RPS6KC1: variants seen among roughly 807,000 people sequenced by gnomAD.
RPS6KC1 encodes the protein inactive ribosomal protein S6 kinase delta-1.
RPS6KC1 carries 54 observed loss-of-function variants against 103.8 expected under a neutral mutation model. The observed-to-expected ratio is 0.52, with a 90% CI of 0.42 to 0.65. The LOEUF (loss-of-function observed/expected upper bound fraction) is 0.65. Ranked by LOEUF, RPS6KC1 falls within the 30% of genes least tolerant of loss-of-function variation. The pLI, the probability that RPS6KC1 is intolerant of heterozygous loss-of-function variation, is 0.00. For synonymous variants in RPS6KC1, 439 were observed against 438.7 expected (o/e 1.00, Z -0.01); for missense variants, 1,151 against 1,253.8 (o/e 0.92, Z 1.24).
the RPS6KC1 span, among the ~76,000 whole-genome samples, chr1:213,640,566 C>T: frequency 3.3e-5 from 5 of 151,584 alleles, no homozygotes; most frequent in African/African-American, 4.8e-5. Flanking sequence ...CCTCTAAACA[C>T]GGCTTTAGGT....
the RPS6KC1 span, among the ~76,000 whole-genome samples, chr1:213,587,162 C>T: frequency 2.1e-3 from 321 of 152,184 alleles, 2 homozygotes; most frequent in African/African-American, 7.5e-3. Context: ...TGACAGAGCC[C>T]GAAGCAGGCA....
chr1:213,177,540 G>A (rs995675958), intron 8 of RPS6KC1, among the ~76,000 whole-genome samples: 2 of 152,034 alleles, frequency 1.3e-5, no homozygotes, highest in Admixed American at 6.6e-5. Flanking sequence ...TAAAGCTGTC[G>A]GTGTCTTAAG....
At chr1:213,182,622 C>G (rs1247252744) in intron 8 of RPS6KC1, among the ~76,000 whole-genome samples, 1 of 151,354 alleles carries the variant, frequency 6.6e-6, no homozygotes, top group African/African-American at 2.4e-5. Context: ...AACTTAAGCC[C>G]TAACACATTA....
intron 12 of RPS6KC1, among the ~76,000 whole-genome samples, chr1:213,252,656 A>G (rs1558636748): frequency 6.6e-6 from 1 of 152,172 alleles, no homozygotes; most frequent in Admixed American, 6.5e-5. Context: ...TTTCCCCCAA[A>G]GAGAACTTTG....
At chr1:213,587,423 G>A in the RPS6KC1 span, among the ~76,000 whole-genome samples, 1 of 152,214 alleles carries the variant, frequency 6.6e-6, no homozygotes, top group Non-Finnish European at 1.5e-5. Context: ...AGTGGGGCAA[G>A]AGGCACAGAG....
chr1:213,695,053 C>T, the RPS6KC1 span, among the ~76,000 whole-genome samples: 5 of 152,236 alleles, frequency 3.3e-5, no homozygotes, highest in East Asian at 1.9e-4. Flanking sequence ...CTCTCCCTCA[C>T]GGAATGTACG....
At chr1:213,280,392 A>T in the RPS6KC1 span, among the ~76,000 whole-genome samples, 1 of 152,222 alleles carries the variant, frequency 6.6e-6, no homozygotes, top group African/African-American at 2.4e-5. Flanking sequence ...GATGACTTGT[A>T]TAGTGTTGGG....
the RPS6KC1 span, among the ~76,000 whole-genome samples, chr1:213,689,962 C>T: frequency 8.5e-5 from 13 of 152,190 alleles, no homozygotes; most frequent in South Asian, 2.3e-3. Context: ...CCAAAGAGTC[C>T]CCCTTTCTCT....
the RPS6KC1 span, among the ~76,000 whole-genome samples, chr1:213,780,052 G>C: frequency 6.6e-6 from 1 of 152,048 alleles, no homozygotes; most frequent in Non-Finnish European, 1.5e-5. Flanking sequence ...GTCAAAAGAA[G>C]TAAAACATTT....
chr1:213,572,265 C>A, the RPS6KC1 span, among the ~76,000 whole-genome samples: 1 of 152,202 alleles, frequency 6.6e-6, no homozygotes, highest in Non-Finnish European at 1.5e-5. Context: ...ACGAGACTCT[C>A]AGAAGGACTC....
intron 8 of RPS6KC1, among the ~76,000 whole-genome samples, chr1:213,195,794 T>C (rs2092922979): frequency 6.6e-6 from 1 of 152,092 alleles, no homozygotes; most frequent in Non-Finnish European, 1.5e-5. Context: ...ATTATTTTAT[T>C]ATTTTTATGG....
At chr1:213,457,606 C>T in the RPS6KC1 span, among the ~76,000 whole-genome samples, 2 of 152,144 alleles carry the variant, frequency 1.3e-5, no homozygotes, top group East Asian at 1.9e-4. Flanking sequence ...ATTTCCAAGT[C>T]CTAGGTATGG....
At chr1:213,426,020 T>TAA in the RPS6KC1 span, among the ~76,000 whole-genome samples, 1 of 152,126 alleles carries the variant, frequency 6.6e-6, no homozygotes, top group Non-Finnish European at 1.5e-5. Flanking sequence ...GTTTTATACC[T>TAA]CTTTTTGTTC....
chr1:213,745,420 TAAA>T, the RPS6KC1 span, among the ~76,000 whole-genome samples: 2 of 128,138 alleles, frequency 1.6e-5, no homozygotes, highest in African/African-American at 2.9e-5. Context: ...TACTGTGACT[TAAA>T]AAAAAAAAAA....
the RPS6KC1 span, among the ~76,000 whole-genome samples, chr1:213,624,956 C>T: frequency 6.6e-6 from 1 of 152,086 alleles, no homozygotes; most frequent in Non-Finnish European, 1.5e-5. Context: ...AGCATGTTCC[C>T]TCTTAAAAGT....
At chr1:213,493,635 T>A in the RPS6KC1 span, among the ~76,000 whole-genome samples, 1 of 152,206 alleles carries the variant, frequency 6.6e-6, no homozygotes, top group Non-Finnish European at 1.5e-5. Flanking sequence ...CAACCTAAAA[T>A]GTAGATACTA....
At chr1:213,481,201 C>T in the RPS6KC1 span, among the ~76,000 whole-genome samples, 3 of 152,040 alleles carry the variant, frequency 2.0e-5, no homozygotes, top group Admixed American at 2.0e-4. Context: ...TTTTCTGTCC[C>T]TGAAGATTTG....
chr1:213,838,848 A>G, the RPS6KC1 span, among the ~76,000 whole-genome samples: 9 of 152,206 alleles, frequency 5.9e-5, no homozygotes, highest in African/African-American at 2.2e-4. Flanking sequence ...TTCACTAGAG[A>G]GAAATTAATT....
chr1:213,110,344 GT>G (rs1260271719), intron 4 of RPS6KC1, among the ~76,000 whole-genome samples: 1 of 151,748 alleles, frequency 6.6e-6, no homozygotes, highest in African/African-American at 2.4e-5. Context: ...AAGTTCTGAT[GT>G]TTTTTTTCTT....
Sources: allele counts gnomAD v4.1 joint callset (sites outside exome capture counted in the v4.1 genomes callset), GRCh38; gene constraint gnomAD v4.1.1; transcripts MANE v1.5; gene names NCBI Gene and HGNC (gene_info 2026-07-23, HGNC 2026-07-21).